PCDH9: variants seen among roughly 807,000 people sequenced by gnomAD.
PCDH9 encodes protocadherin-9.
Under a neutral mutation model 70.6 loss-of-function variants are expected in PCDH9, and 24 were observed. The observed-to-expected ratio is 0.34, with a 90% CI of 0.25 to 0.48. The LOEUF is 0.48. Among genes scored for constraint, PCDH9 ranks in the 20% least tolerant of loss-of-function variants. The probability of loss-of-function intolerance (pLI) is 0.99; values close to 1 mark genes in which losing one functional copy is unlikely to be tolerated. For synonymous variants in PCDH9, 562 were observed against 558.5 expected, an observed-to-expected ratio of 1.01 and a Z score of -0.09; for missense variants, 1,281 against 1,503.6, an observed-to-expected ratio of 0.85 and a Z score of 2.45.
At position 66,807,263 on chromosome 13, in the gene PCDH9, A is replaced by C. The variant is rs550867034; in HGVS notation, c.3138+96241T>G. ...TTCCTTTCCTTCACCTAAAACATAC[A>C]TCATTCCAGCCTACAGATTCCCAAA... is the stretch of plus-strand genomic sequence containing the variant. On this transcript the variant is annotated intron_variant, in intron 3 of 4. Coordinates refer to ENST00000377865, the MANE Select transcript of PCDH9 (RefSeq NM_203487.3). 2.0e-5 allele frequency among the ~76,000 whole-genome samples: 3 copies of C among 152,278 alleles called. No individual in the cohort carries two copies. In the South Asian group the frequency reaches 6.2e-4, roughly 32 times the overall value.
intron 4 of PCDH9, among the ~76,000 whole-genome samples, chr13:66,361,956 T>C (rs1446000945): frequency 1.3e-5 from 2 of 152,154 alleles, no homozygotes; most frequent in African/African-American, 4.8e-5. Flanking sequence ...AACAATCTCT[T>C]ACTAATTTTG....
chr13:66,463,043 T>C (rs1958453056), intron 4 of PCDH9, among the ~76,000 whole-genome samples: 1 of 151,800 alleles, frequency 6.6e-6, no homozygotes, highest in East Asian at 1.9e-4. Flanking sequence ...ACCCAACAAA[T>C]ATAATTCTCT....
At position 66,947,588 on chromosome 13, in the gene PCDH9, G is replaced by C. The variant is rs188125005; in HGVS notation, c.3037-43983C>G. 3.0e-4 allele frequency among the ~76,000 whole-genome samples: 45 copies of C among 152,232 alleles called. No homozygotes were observed. In the East Asian group the frequency reaches 6.8e-3, roughly 23 times the overall value. ...TTGTTGGTGGAAGATGGGGGTGTGG[G>C]TAGAAAAGTCTTCATGGAGACAGAT... On this transcript the variant is annotated intron_variant, in intron 2 of 4. Coordinates refer to ENST00000377865, the MANE Select transcript of PCDH9 (RefSeq NM_203487.3).
Position 66,648,447 on chromosome 13 carries a change from C to T in PCDH9, c.3139-17036G>A, listed in dbSNP as rs139899039. ...TCCAGAGAATTCTTCTGGACCTTATCGTAGACCACCAAGGTGGTACCTTCA... is the reference window on the plus strand; with the variant it reads ...TCCAGAGAATTCTTCTGGACCTTATTGTAGACCACCAAGGTGGTACCTTCA... On this transcript the variant is annotated intron_variant, in intron 3 of 4. Transcript: ENST00000377865. Among the ~76,000 whole-genome samples, 734 of 152,336 alleles carry T rather than the reference C, an allele frequency of 4.8e-3. 17 individuals are homozygous for T. Among genetic ancestry groups the T allele is most frequent in the East Asian group, 0.019 (96 of 5,184 alleles).
chr13:66,733,684 T>TTA (rs2079106224), intron 3 of PCDH9, among the ~76,000 whole-genome samples: 1 of 151,874 alleles, frequency 6.6e-6, no homozygotes, highest in Non-Finnish European at 1.5e-5. Flanking sequence ...AGGCTTTTTT[T>TTA]TTTTTTACGA....
rs557949856 is a variant in PCDH9 at position 66,931,863 on chromosome 13, T to C, written c.3037-28258A>G. Among the ~76,000 whole-genome samples, 21 of 152,172 alleles carry C rather than the reference T, an allele frequency of 1.4e-4. No individual in the cohort carries two copies. The South Asian group carries it at 3.9e-3, about 29-fold the overall frequency. On this transcript the variant is annotated intron_variant, in intron 2 of 4. Transcript: ENST00000377865. ...AGCACCCCCCGACACCCAAAACACT[T>C]ATGTTGCAAAGTCCTATGGAGTGGC...
chr13:66,772,277 T>C (rs1479660128), intron 3 of PCDH9, among the ~76,000 whole-genome samples: 1 of 152,208 alleles, frequency 6.6e-6, no homozygotes, highest in Non-Finnish European at 1.5e-5. Flanking sequence ...GAAATCATGT[T>C]TCTATCAATT....
rs1957308956 is a variant in PCDH9 at position 66,408,045 on chromosome 13, G to T, written c.3341-103017C>A. Among the ~76,000 whole-genome samples the T allele has an allele frequency of 2.1e-5, 3 of 145,986 alleles. No homozygotes were observed. The South Asian group carries it at 6.6e-4, about 32-fold the overall frequency. Reference sequence around the variant, plus strand: ...ATAGAAACAAAGTTTTATCAGCAGGGATCACTTTTTTTTTTTTTTTTTTTG... The same window carrying T: ...ATAGAAACAAAGTTTTATCAGCAGGTATCACTTTTTTTTTTTTTTTTTTTG... On this transcript the variant is annotated intron_variant, in intron 4 of 4. Coordinates refer to ENST00000377865, the MANE Select transcript of PCDH9 (RefSeq NM_203487.3).
At chr13:67,134,871 T>A (rs1445285809) in intron 2 of PCDH9, among the ~76,000 whole-genome samples, 2 of 152,072 alleles carry the variant, frequency 1.3e-5, no homozygotes, top group East Asian at 3.8e-4. Context: ...CTCAAACAAC[T>A]GATTATTTAA....
chr13:66,863,100 T>C (rs1450306957), intron 3 of PCDH9, among the ~76,000 whole-genome samples: 5 of 152,206 alleles, frequency 3.3e-5, no homozygotes, highest in Non-Finnish European at 7.3e-5. Flanking sequence ...TAAATATTTG[T>C]ACTCAGAGGC....
intron 3 of PCDH9, among the ~76,000 whole-genome samples, chr13:66,883,898 AT>A (rs539703609): frequency 0.053 from 5,744 of 108,066 alleles, 95 homozygotes; most frequent in African/African-American, 0.13. Flanking sequence ...TTGAGCGTTC[AT>A]TTTTTTTTTT....
intron 3 of PCDH9, among the ~76,000 whole-genome samples, chr13:66,854,687 G>T (rs1224432910): frequency 4.0e-5 from 6 of 151,874 alleles, no homozygotes; most frequent in Non-Finnish European, 8.8e-5. Flanking sequence ...CCCCAAACAT[G>T]GTGCTGAAGT....
intron 2 of PCDH9, among the ~76,000 whole-genome samples, chr13:67,173,923 A>C (rs917309455): frequency 4.6e-5 from 7 of 152,196 alleles, no homozygotes; most frequent in African/African-American, 1.4e-4. Flanking sequence ...CTTTTCAACA[A>C]CTTAGGGACA....
chr13:66,337,196 T>C (rs2138134898), intron 4 of PCDH9, among the ~76,000 whole-genome samples: 1 of 152,112 alleles, frequency 6.6e-6, no homozygotes, highest in South Asian at 2.1e-4. Context: ...AACCACTTTA[T>C]TAAAAATACT....
At chr13:67,109,579 A>G (rs1178594671) in intron 2 of PCDH9, among the ~76,000 whole-genome samples, 1 of 152,198 alleles carries the variant, frequency 6.6e-6, no homozygotes, top group Non-Finnish European at 1.5e-5. Flanking sequence ...CCTAACCTGT[A>G]ATCAATATTT....
intron 3 of PCDH9, among the ~76,000 whole-genome samples, chr13:66,833,156 TGAG>T (rs2080957799): frequency 1.3e-5 from 2 of 152,180 alleles, no homozygotes; most frequent in Admixed American, 6.6e-5. Context: ...ACATGTACCT[TGAG>T]GAGAGCTATG....
At chr13:66,927,967 C>T (rs1398702163) in intron 2 of PCDH9, among the ~76,000 whole-genome samples, 2 of 152,010 alleles carry the variant, frequency 1.3e-5, no homozygotes, top group Non-Finnish European at 2.9e-5. Flanking sequence ...TCAAATAATA[C>T]TAATTAATTT....
intron 4 of PCDH9, among the ~76,000 whole-genome samples, chr13:66,422,802 G>T (rs1051341089): frequency 2.0e-5 from 3 of 151,992 alleles, no homozygotes; most frequent in African/African-American, 7.2e-5. Context: ...AAATAACTAA[G>T]ATCAGAGCAG....
intron 2 of PCDH9, among the ~76,000 whole-genome samples, chr13:67,146,005 G>C (rs190029003): frequency 6.6e-6 from 1 of 152,170 alleles, no homozygotes; most frequent in African/African-American, 2.4e-5. Flanking sequence ...ATAAGTTTAA[G>C]AATTAATTCT....
Sources: gnomAD v4.1 joint callset for allele counts (sites outside exome capture counted in the v4.1 genomes callset) on GRCh38, gnomAD v4.1.1 for gene constraint, MANE v1.5 for transcripts, NCBI Gene and HGNC (gene_info 2026-07-23, HGNC 2026-07-21) for gene names.